CSN3: variants seen among roughly 807,000 people sequenced by gnomAD.
The protein encoded by CSN3 is casein kappa.
In CSN3, 7 loss-of-function variants were observed where a neutral mutation model predicts 9.9. The ratio of observed to expected loss-of-function variants is 0.71; its 90% CI spans 0.40 to 1.33. The LOEUF (loss-of-function observed/expected upper bound fraction) is 1.33. Among genes scored for constraint, CSN3 ranks in the 40% most tolerant of loss-of-function variants. CSN3 has a pLI of 0.01. For missense variants in CSN3, 253 were observed against 227.9 expected, an observed-to-expected ratio of 1.11 and a Z score of -0.71; for synonymous variants, 88 against 82.3, an observed-to-expected ratio of 1.07 and a Z score of -0.37.
At chr4:70,249,271 C>T (rs1362028583) in exon 4 of CSN3, 1 of 1,614,054 alleles carries the variant, frequency 6.2e-7, no homozygotes, top group Admixed American at 1.7e-5. Flanking sequence ...TATTGCCATC[C>T]CCCCAAAGAA....
At chr4:70,238,908 G>T (rs927279332), upstream of CSN3, among the ~76,000 whole-genome samples, 3 of 151,716 alleles carry the variant, frequency 2.0e-5, no homozygotes, top group African/African-American at 7.3e-5. Context: ...CGTGAAACAG[G>T]GTATGTTTGG....
At chr4:70,249,343 G>A (rs3775739) in exon 4 of CSN3, 224,140 of 1,613,752 alleles carry the variant, frequency 0.14, 17,880 homozygotes, top group East Asian at 0.3. Flanking sequence ...ACCTACACCA[G>A]CTCCTGCCAC....
chr4:70,245,385 C>T (rs568050014), intron 2 of CSN3, among the ~76,000 whole-genome samples: 29 of 152,244 alleles, frequency 1.9e-4, no homozygotes, highest in African/African-American at 6.0e-4. Flanking sequence ...GAATCATTAA[C>T]TTTTGTTATA....
At position 70,248,980 on chromosome 4, in the gene CSN3, A is replaced by T. The variant is rs112171751; in HGVS notation, c.88-18A>T. The T allele has an allele frequency of 1.3e-3, 1,930 of 1,515,408 alleles. 17 individuals are homozygous for T. The African/African-American group carries it at 0.024, about 19-fold the overall frequency. 93.9% of individuals were successfully genotyped at this position (1,515,408 alleles called of 1,614,324 possible). Reference sequence around the variant, plus strand: ...GGTCTATAATAATAATATTCTGTATAATTTATTTTTTTTGCAGTGCCATGA... The same window carrying T: ...GGTCTATAATAATAATATTCTGTATTATTTATTTTTTTTGCAGTGCCATGA... On this transcript the variant is annotated intron_variant, in intron 3 of 4. Transcript: ENST00000304954.
intron 2 of CSN3, among the ~76,000 whole-genome samples, chr4:70,245,923 A>G (rs969892634): frequency 6.6e-6 from 1 of 152,180 alleles, no homozygotes; most frequent in Non-Finnish European, 1.5e-5. Context: ...TTTGAGTAAT[A>G]GGGCTTAAAG....
chr4:70,238,580 T>A (rs1401257939), upstream of CSN3, among the ~76,000 whole-genome samples: 1 of 151,938 alleles, frequency 6.6e-6, no homozygotes, highest in East Asian at 1.9e-4. Context: ...CAGATATATG[T>A]TAAAAATAAC....
chr4:70,246,505 C>G (rs1307093778), intron 2 of CSN3, among the ~76,000 whole-genome samples: 1 of 151,526 alleles, frequency 6.6e-6, no homozygotes, highest in African/African-American at 2.4e-5. Context: ...AACTATGAAA[C>G]CTATGATATA....
intron 2 of CSN3, among the ~76,000 whole-genome samples, chr4:70,246,666 T>C (rs1352411814): frequency 2.2e-5 from 3 of 137,210 alleles, no homozygotes; most frequent in Admixed American, 8.3e-5. Context: ...ATATTCATAT[T>C]ACTTCTTTTT....
intron 2 of CSN3, among the ~76,000 whole-genome samples, chr4:70,246,151 C>A (rs1456608804): frequency 2.0e-5 from 3 of 151,960 alleles, no homozygotes; most frequent in Admixed American, 6.6e-5. Context: ...AATGTGATAC[C>A]ATGTTATATG....
chr4:70,240,254 A>G (rs563755203), upstream of CSN3, among the ~76,000 whole-genome samples: 2 of 152,120 alleles, frequency 1.3e-5, no homozygotes, highest in South Asian at 4.1e-4. Context: ...TTTGTTTACA[A>G]TGCTTAAAAT....
chr4:70,244,861 C>A, exon 2 of CSN3: 1 of 1,564,602 alleles, frequency 6.4e-7, no homozygotes, highest in South Asian at 1.3e-5. Flanking sequence ...TGGCATTAAC[C>A]CTGCCTTTTT....
In CSN3 at chr4:70,249,401, C is replaced by T. The variant is rs922267381; in HGVS notation, c.491C>T (p.Ser164Phe). Residue 164 changes from serine (S) to phenylalanine (F), a missense_variant, in exon 4 of 5, where the codon TCC (serine) becomes TTC (phenylalanine). By Grantham distance (155) the Ser-to-Phe change is radical. Coordinates refer to ENST00000304954, the Ensembl canonical transcript of CSN3. Reference sequence around the variant, plus strand: ...GTCACTCCAGAAGCTTTTTCAGAGTCCATCATCACGAGCACCCCTGAGACA... The same window carrying T: ...GTCACTCCAGAAGCTTTTTCAGAGTTCATCATCACGAGCACCCCTGAGACA... 2.5e-6 allele frequency: 4 copies of T among 1,613,944 alleles called. No individual in the cohort carries two copies. In the African/African-American group the frequency reaches 5.3e-5, roughly 22 times the overall value.
chr4:70,250,711 A>C (rs553805873), intron 4 of CSN3, among the ~76,000 whole-genome samples: 1 of 152,278 alleles, frequency 6.6e-6, no homozygotes, highest in South Asian at 2.1e-4. Flanking sequence ...CATTAAGTAA[A>C]TTATCACAGC....
At chr4:70,242,199 A>G (rs1048353843), upstream of CSN3, among the ~76,000 whole-genome samples, 9 of 151,818 alleles carry the variant, frequency 5.9e-5, no homozygotes, top group Non-Finnish European at 1.5e-5. Flanking sequence ...TTTATAAACA[A>G]AAAAAGATTA....
chr4:70,247,490 C>A (rs1730403380), intron 2 of CSN3, among the ~76,000 whole-genome samples: 1 of 151,986 alleles, frequency 6.6e-6, no homozygotes, highest in Non-Finnish European at 1.5e-5. Flanking sequence ...TTAATAAAAA[C>A]TAAATAGAAA....
chr4:70,249,479 A>G (rs371221054), exon 4 of CSN3: 49 of 1,574,844 alleles, frequency 3.1e-5, no homozygotes, highest in Admixed American at 8.4e-5. Context: ...GGAAATATCA[A>G]AGAACACAAC....
chr4:70,249,994 T>G (rs1477893712), intron 4 of CSN3, among the ~76,000 whole-genome samples: 1 of 152,188 alleles, frequency 6.6e-6, no homozygotes, highest in African/African-American at 2.4e-5. Context: ...CAGACATCAT[T>G]TCCAAAATGA....
chr4:70,240,548 A>G (rs375509255), upstream of CSN3, among the ~76,000 whole-genome samples: 14 of 152,138 alleles, frequency 9.2e-5, no homozygotes, highest in African/African-American at 3.1e-4. Flanking sequence ...ATTTCAGAGC[A>G]TGCGAGTTCT....
chr4:70,246,671 C>CT (rs11293109), intron 2 of CSN3, among the ~76,000 whole-genome samples: 12,872 of 125,314 alleles, frequency 0.1, 934 homozygotes, highest in Admixed American at 0.18. Flanking sequence ...CATATTACTT[C>CT]TTTTTTTTTT....
Sources: gnomAD v4.1 joint callset for allele counts (sites outside exome capture counted in the v4.1 genomes callset) on GRCh38, gnomAD v4.1.1 for gene constraint, MANE v1.5 for transcripts, NCBI Gene and HGNC (gene_info 2026-07-23, HGNC 2026-07-21) for gene names.